PACRG: variants seen among roughly 807,000 people sequenced by gnomAD.
The protein encoded by PACRG is parkin coregulated gene protein.
Under a neutral mutation model 29.7 loss-of-function variants are expected in PACRG, and 29 were observed. The ratio of observed to expected loss-of-function variants is 0.98; its 90% CI spans 0.73 to 1.33. The LOEUF is 1.33. Among genes scored for constraint, PACRG ranks in the 40% most tolerant of loss-of-function variants. The pLI is 0.00. For missense variants in PACRG, 279 were observed against 316.2 expected, an observed-to-expected ratio of 0.88 and a Z score of 0.89; for synonymous variants, 116 against 118.7, an observed-to-expected ratio of 0.98 and a Z score of 0.15.
At chr6:163,208,897 A>G (rs1781021140) in intron 4 of PACRG, among the ~76,000 whole-genome samples, 1 of 152,228 alleles carries the variant, frequency 6.6e-6, no homozygotes, top group South Asian at 2.1e-4. Context: ...AGAAAAGCAC[A>G]TTAGCTAATG....
At chr6:162,907,644 ACT>A (rs749465719) in intron 2 of PACRG, among the ~76,000 whole-genome samples, 22 of 152,122 alleles carry the variant, frequency 1.4e-4, no homozygotes, top group Non-Finnish European at 3.1e-4. Context: ...AGTATGCGTG[ACT>A]CTTTCTTAAG....
Position 163,077,249 on chromosome 6 carries a change from G to A in PACRG, c.464-12010G>A, listed in dbSNP as rs577820294. Among the ~76,000 whole-genome samples, 8 of 152,254 alleles carry A rather than the reference G, an allele frequency of 5.3e-5. No individual in the cohort carries two copies. The South Asian group carries it at 1.5e-3, about 28-fold the overall frequency. ...ATTCTCTCACGTGATTCTATCATAA[G>A]CAGCAACATACTTTTGTGAGATGGC... On this transcript the variant is annotated intron_variant, in intron 3 of 4. Coordinates refer to ENST00000366888, the MANE Select transcript of PACRG (RefSeq NM_001080379.2).
rs200876080 is a variant in PACRG, at chr6:162,776,449, TG to T, written c.157-37695del. On this transcript the variant is annotated intron_variant, in intron 1 of 4. Transcript: ENST00000366888. ...GTCAACAATGAGCTGGCTATAAACC[TG>T]GGTCTTTGTGCTCCTCAAAGCAGGG... is the stretch of plus-strand genomic sequence containing the variant. Among the ~76,000 whole-genome samples, 680 of 152,294 alleles carry T rather than the reference TG, an allele frequency of 4.5e-3. 1 individual carries two copies. Among genetic ancestry groups the T allele is most frequent in the Middle Eastern group, 0.01 (3 of 294 alleles).
At chr6:163,218,987 G>T (rs777241227) in intron 4 of PACRG, among the ~76,000 whole-genome samples, 1 of 152,200 alleles carries the variant, frequency 6.6e-6, no homozygotes, top group African/African-American at 2.4e-5. Flanking sequence ...CGCTTACTCC[G>T]CATAGAAGGT....
chr6:163,248,466 T>C (rs1284500250), intron 4 of PACRG, among the ~76,000 whole-genome samples: 1 of 151,828 alleles, frequency 6.6e-6, no homozygotes, highest in African/African-American at 2.4e-5. Context: ...GCTACCACAT[T>C]CCTCAATTAT....
intron 1 of PACRG, among the ~76,000 whole-genome samples, chr6:162,787,268 A>G (rs1285186210): frequency 6.6e-6 from 1 of 152,002 alleles, no homozygotes; most frequent in African/African-American, 2.4e-5. Flanking sequence ...GCACTCTTTA[A>G]CAATGAGCCT....
intron 3 of PACRG, among the ~76,000 whole-genome samples, chr6:163,066,758 A>G (rs1301283714): frequency 3.9e-5 from 6 of 152,222 alleles, no homozygotes; most frequent in Non-Finnish European, 4.4e-5. Flanking sequence ...AAAAAACAAA[A>G]TCTGTATGTA....
chr6:162,811,191 A>G lies in PACRG; in HGVS notation c.157-2956A>G, dbSNP rs543704612. Among the ~76,000 whole-genome samples, 37 of 152,286 alleles carry G rather than the reference A, an allele frequency of 2.4e-4. 1 individual carries two copies. In the South Asian group the frequency reaches 5.0e-3, roughly 20 times the overall value. On this transcript the variant is annotated intron_variant, in intron 1 of 4. Transcript: ENST00000366888. ...GAACCTTAAATCCTACATCCAGTTA[A>G]AATGTAGTTTTGGAAATGCAGAAGA... is the stretch of plus-strand genomic sequence containing the variant.
At chr6:163,285,196 G>C (rs918675456) in intron 4 of PACRG, among the ~76,000 whole-genome samples, 2 of 150,992 alleles carry the variant, frequency 1.3e-5, no homozygotes, top group Admixed American at 6.6e-5. Flanking sequence ...CACCCCACCT[G>C]CAACTCCACC....
chr6:163,304,827 T>C (rs566285396), intron 4 of PACRG, among the ~76,000 whole-genome samples: 15 of 152,128 alleles, frequency 9.9e-5, no homozygotes, highest in Non-Finnish European at 1.9e-4. Flanking sequence ...GGAGATGAGA[T>C]CACACAGGGG....
At chr6:163,030,660 C>T (rs1807575061) in intron 2 of PACRG, among the ~76,000 whole-genome samples, 1 of 152,140 alleles carries the variant, frequency 6.6e-6, no homozygotes, top group Non-Finnish European at 1.5e-5. Context: ...GACAGAGTAG[C>T]CCTGAGGGCT....
At chr6:163,197,651 G>T (rs1043180517) in intron 4 of PACRG, among the ~76,000 whole-genome samples, 1 of 151,356 alleles carries the variant, frequency 6.6e-6, no homozygotes, top group African/African-American at 2.4e-5. Flanking sequence ...GGGTTTCACC[G>T]TGTTAGCCAG....
intron 1 of PACRG, among the ~76,000 whole-genome samples, chr6:162,767,776 C>G (rs1782912743): frequency 6.6e-6 from 1 of 151,674 alleles, no homozygotes; most frequent in Admixed American, 6.6e-5. Flanking sequence ...TGGGGTTTCC[C>G]CCTCCTTTTT....
intron 2 of PACRG, among the ~76,000 whole-genome samples, chr6:163,034,515 AG>A (rs1407416126): frequency 6.6e-6 from 1 of 152,114 alleles, no homozygotes; most frequent in African/African-American, 2.4e-5. Context: ...TTTTATGAAG[AG>A]GGGCCTCTAA....
chr6:163,198,202 A>T (rs145108752), intron 4 of PACRG, among the ~76,000 whole-genome samples: 1 of 152,252 alleles, frequency 6.6e-6, no homozygotes, highest in Non-Finnish European at 1.5e-5. Flanking sequence ...TAAAGTGACC[A>T]CAGATTTTTA....
intron 2 of PACRG, among the ~76,000 whole-genome samples, chr6:162,885,948 A>G (rs140038573): frequency 2.0e-5 from 3 of 152,310 alleles, no homozygotes; most frequent in African/African-American, 7.2e-5. Flanking sequence ...ATATTGTTAC[A>G]ATATTGTTAT....
intron 4 of PACRG, among the ~76,000 whole-genome samples, chr6:163,305,446 G>A (rs542235580): frequency 2.8e-4 from 43 of 152,276 alleles, no homozygotes; most frequent in African/African-American, 1.0e-3. Flanking sequence ...CCACTAAGTA[G>A]CAATGACGTC....
intron 2 of PACRG, among the ~76,000 whole-genome samples, chr6:162,860,547 G>A (rs942389211): frequency 6.6e-6 from 1 of 152,020 alleles, no homozygotes; most frequent in Non-Finnish European, 1.5e-5. Context: ...TGCAATGTGT[G>A]TAGTTAAAAT....
chr6:162,784,838 G>T (rs7757146), intron 1 of PACRG, among the ~76,000 whole-genome samples: 187 of 152,254 alleles, frequency 1.2e-3, no homozygotes, highest in African/African-American at 4.1e-3. Flanking sequence ...GGTGCTTTCA[G>T]CAAGACATTA....
Sources: gnomAD v4.1 joint callset for allele counts (sites outside exome capture counted in the v4.1 genomes callset) on GRCh38, gnomAD v4.1.1 for gene constraint, MANE v1.5 for transcripts, NCBI Gene and HGNC (gene_info 2026-07-23, HGNC 2026-07-21) for gene names.